NCOR2: variants seen among roughly 807,000 people sequenced by gnomAD.
NCOR2 encodes nuclear receptor corepressor 2.
Under a neutral mutation model 262.9 loss-of-function variants are expected in NCOR2, and 81 were observed. The observed-to-expected ratio is 0.31, with a 90% CI of 0.26 to 0.37. The LOEUF is 0.37. Ranked by LOEUF, NCOR2 falls within the 10% of genes least tolerant of loss-of-function variation. The pLI is 1.00. For synonymous variants in NCOR2, 1,659 were observed against 1,559.3 expected (o/e 1.06, Z -1.51); for missense variants, 3,385 against 3,621.4 (o/e 0.93, Z 1.68).
chr12:124,372,470 G>A, exon 20 of NCOR2: 1 of 1,564,262 alleles, frequency 6.4e-7, no homozygotes. Flanking sequence ...ATGTCCTCCG[G>A]TGGTGGGGTG....
intron 3 of NCOR2, among the ~76,000 whole-genome samples, chr12:124,474,950 G>C (rs2047022532): frequency 6.6e-6 from 1 of 152,012 alleles, no homozygotes; most frequent in Non-Finnish European, 1.5e-5. Context: ...TGCAGCCCGG[G>C]GGCCACCGAG....
chr12:124,457,184 GA>G lies in NCOR2; in HGVS notation c.706-23del. 6.5e-7 allele frequency: 1 copy of G among 1,535,862 alleles called. No homozygotes were observed. Among genetic ancestry groups the G allele is most frequent in the South Asian group, 1.3e-5 (1 of 79,844 alleles). On this transcript the variant is annotated intron_variant, in intron 5 of 46. Coordinates refer to ENST00000405201, the Ensembl canonical transcript of NCOR2. This position sits in a 1 kb window ranked among gnomAD's most constrained non-coding sequence, Gnocchi z 4.0. ...TCTTCTGCAGGGTGATGGCGAAGAG[GA>G]GGAATTTTTTTAAAAAACAAAAAAA...
chr12:124,362,691 C>T (rs1432866199), intron 21 of NCOR2, among the ~76,000 whole-genome samples: 1 of 151,494 alleles, frequency 6.6e-6, no homozygotes, highest in Non-Finnish European at 1.5e-5. Flanking sequence ...CAGAACCTGG[C>T]CCAGCTGCCT....
chr12:124,484,782 G>A (rs866190366), intron 2 of NCOR2, among the ~76,000 whole-genome samples: 4 of 152,190 alleles, frequency 2.6e-5, no homozygotes, highest in African/African-American at 4.8e-5. Context: ...CCACGCGCTT[G>A]GTGACAACAG....
chr12:124,330,725 G>T, intron 44 of NCOR2, 120 bp downstream of exon 46: 1 of 1,147,352 alleles, frequency 8.7e-7, no homozygotes, highest in Non-Finnish European at 1.3e-6. Context: ...GTTCATCCCA[G>T]AATGAGGGGG....
rs925200378 is a variant in NCOR2, at chr12:124,325,441, C to A, written c.7506G>T (p.Leu2502=). ...AGAGTGTCTCGTACTGCGAGCAGAGCAGTGGCTTGGGCTCCTCGTCCCAGG... is the reference window on the plus strand; with the variant it reads ...AGAGTGTCTCGTACTGCGAGCAGAGAAGTGGCTTGGGCTCCTCGTCCCAGG... Residue 2502 remains leucine, a synonymous_variant, in exon 47 of 47, where the codon CTG becomes CTT. Transcript: ENST00000405201. The A allele has an allele frequency of 3.1e-6, 4 of 1,305,992 alleles. No homozygotes were observed. The African/African-American group carries it at 4.9e-5, about 16-fold the overall frequency. 80.9% of individuals were successfully genotyped at this position (1,305,992 alleles called of 1,614,324 possible). A position where few individuals can be genotyped will look rare whatever the true frequency, so the allele number is the denominator to read the frequency against.
intron 1 of NCOR2, among the ~76,000 whole-genome samples, chr12:124,559,065 G>A (rs573073977): frequency 1.3e-5 from 2 of 152,288 alleles, no homozygotes; most frequent in East Asian, 1.9e-4. Flanking sequence ...GGAGCCACCC[G>A]GCCTGCAGGC....
rs531693559 is a variant in NCOR2, at chr12:124,528,380, C to T, written c.-118+7185G>A. On this transcript the variant is annotated intron_variant, in intron 1 of 46. Transcript: ENST00000404621. Reference sequence around the variant, plus strand: ...TATTTAATTTACAGGCCTCCTTCCCCGAAAAGTCATCTTAGCTGACACCCC... The same window carrying T: ...TATTTAATTTACAGGCCTCCTTCCCTGAAAAGTCATCTTAGCTGACACCCC... 7.2e-5 allele frequency among the ~76,000 whole-genome samples: 11 copies of T among 152,308 alleles called. No homozygotes were observed. The South Asian group carries it at 1.0e-3, about 14-fold the overall frequency.
intron 22 of NCOR2, among the ~76,000 whole-genome samples, chr12:124,358,031 T>A (rs553114802): frequency 2.1e-4 from 31 of 146,464 alleles, no homozygotes; most frequent in African/African-American, 7.4e-4. Flanking sequence ...CATGTGTGTG[T>A]GAGTGCATGG....
upstream of NCOR2, among the ~76,000 whole-genome samples, chr12:124,540,010 AGCT>A (rs1218376323): frequency 1.3e-5 from 2 of 152,028 alleles, no homozygotes; most frequent in African/African-American, 2.4e-5. Context: ...ATCAACCTTC[AGCT>A]GCTCAACAAA....
At position 124,363,816 on chromosome 12, in the gene NCOR2, AC is replaced by A; in HGVS notation, c.2808-18del. Reference sequence around the variant, plus strand: ...GACAGCAGCCTGCGGGCACACGAGCACCATCAGCTGGGGGCCCACAGCCGGA... The same window carrying A: ...GACAGCAGCCTGCGGGCACACGAGCACATCAGCTGGGGGCCCACAGCCGGA... On this transcript the variant is annotated intron_variant, in intron 20 of 46. Coordinates refer to ENST00000405201, the Ensembl canonical transcript of NCOR2. The A allele has an allele frequency of 7.5e-7, 1 of 1,331,776 alleles. No individual in the cohort carries two copies. The highest frequency in any genetic ancestry group is 2.1e-4 in the Middle Eastern group (1 of 4,744). 82.5% of individuals were successfully genotyped at this position (1,331,776 alleles called of 1,614,324 possible).
chr12:124,494,786 T>C lies in NCOR2; in HGVS notation c.105+361A>G, dbSNP rs545126931. On this transcript the variant is annotated intron_variant, in intron 1 of 46. Transcript: ENST00000405201. Reference sequence around the variant, plus strand: ...CCTTGCCCCCTGGAAGCCACCCCAATCCTACCCAATACTGCGGCAGCGGGG... The same window carrying C: ...CCTTGCCCCCTGGAAGCCACCCCAACCCTACCCAATACTGCGGCAGCGGGG... Among the ~76,000 whole-genome samples, 5 of 152,136 alleles carry C rather than the reference T, an allele frequency of 3.3e-5. No individual in the cohort carries two copies. The East Asian group carries it at 7.8e-4, about 24-fold the overall frequency.
chr12:124,356,079 C>A (rs1031429100), intron 23 of NCOR2, among the ~76,000 whole-genome samples: 1 of 152,246 alleles, frequency 6.6e-6, no homozygotes, highest in African/African-American at 2.4e-5. Context: ...GTTTCTCAAG[C>A]TTTGCCTGCT....
chr12:124,529,389 G>A (rs1276879651), intron 1 of NCOR2, among the ~76,000 whole-genome samples: 4 of 151,918 alleles, frequency 2.6e-5, no homozygotes, highest in Admixed American at 6.6e-5. Flanking sequence ...CAGGAGAATC[G>A]CTTGAACCCG....
Position 124,360,294 on chromosome 12 carries a change from T to G in NCOR2, c.3100+1832A>C, listed in dbSNP as rs2038448575. 6.6e-5 allele frequency among the ~76,000 whole-genome samples: 10 copies of G among 152,308 alleles called. No homozygotes were observed. In the South Asian group the frequency reaches 2.1e-3, roughly 32 times the overall value. On this transcript the variant is annotated intron_variant, in intron 22 of 46. Transcript: ENST00000405201. ...CAGCCCTGGTCATGGGGCATCCCAGTTCCAGCGAGACATCCCTGGCGTCAT... is the reference window on the plus strand; with the variant it reads ...CAGCCCTGGTCATGGGGCATCCCAGGTCCAGCGAGACATCCCTGGCGTCAT...
chr12:124,525,615 G>A (rs1053656952), intron 1 of NCOR2, among the ~76,000 whole-genome samples: 1 of 152,230 alleles, frequency 6.6e-6, no homozygotes, highest in Admixed American at 6.5e-5. Flanking sequence ...CAGCTGCTGC[G>A]TGCCTGAGGG....
intron 31 of NCOR2, among the ~76,000 whole-genome samples, chr12:124,345,530 T>C (rs2036849553): frequency 6.6e-6 from 1 of 152,212 alleles, no homozygotes; most frequent in Non-Finnish European, 1.5e-5. Context: ...TCAGCAGGCT[T>C]CGGAGACACT....
chr12:124,331,229 A>G (rs1183667545), intron 43 of NCOR2, among the ~76,000 whole-genome samples: 1 of 151,590 alleles, frequency 6.6e-6, no homozygotes, highest in Admixed American at 6.6e-5. Flanking sequence ...CGCCTGGCTA[A>G]TTTTTGTATT....
At chr12:124,407,674 G>A (rs1386161026) in intron 13 of NCOR2, among the ~76,000 whole-genome samples, 2 of 152,260 alleles carry the variant, frequency 1.3e-5, no homozygotes, top group African/African-American at 4.8e-5. Flanking sequence ...GGGTTGATGA[G>A]ATTTAATTCT....
Sources: allele counts gnomAD v4.1 joint callset (sites outside exome capture counted in the v4.1 genomes callset), GRCh38; gene constraint gnomAD v4.1.1; non-coding constraint Gnocchi (gnomAD v3.1); transcripts MANE v1.5; gene names NCBI Gene and HGNC (gene_info 2026-07-23, HGNC 2026-07-21).